Variants in GABRA2 observed in about 807,000 individuals in gnomAD.
GABRA2 encodes gamma-aminobutyric acid receptor subunit alpha-2.
GABRA2 carries 16 observed loss-of-function variants against 48.7 expected under a neutral mutation model. The ratio of observed to expected loss-of-function variants is 0.33; its 90% confidence interval spans 0.22 to 0.50. The LOEUF is 0.50. Ranked by LOEUF, GABRA2 falls within the 20% of genes least tolerant of loss-of-function variation. GABRA2 has a pLI of 0.98. For synonymous variants in GABRA2, 185 were observed against 184.5 expected, an observed-to-expected ratio of 1.00 and a Z score of -0.02; for missense variants, 275 against 535.6, an observed-to-expected ratio of 0.51 and a Z score of 4.80.
intron 2 of GABRA2, 35 bp downstream of exon 2, chr4:46,388,601 T>G (rs536102704): frequency 6.2e-7 from 1 of 1,610,992 alleles, no homozygotes; most frequent in East Asian, 2.2e-5. Flanking sequence ...ATCTTTGCCC[T>G]GAATTAAAAT....
At chr4:46,336,624 T>C (rs1732277947) in intron 3 of GABRA2, among the ~76,000 whole-genome samples, 1 of 152,188 alleles carries the variant, frequency 6.6e-6, no homozygotes, top group African/African-American at 2.4e-5. Context: ...ACAGGTACTT[T>C]AGGAGAAATA....
chr4:46,387,319 T>C (rs766192067), intron 2 of GABRA2, among the ~76,000 whole-genome samples: 1 of 152,232 alleles, frequency 6.6e-6, no homozygotes, highest in Non-Finnish European at 1.5e-5. Context: ...AATTACATTC[T>C]GATCAAGGTG....
In GABRA2 at chr4:46,303,174, C is replaced by T. The variant is rs1726044581; in HGVS notation, c.856+286G>A. ...AGCAAAAAAAAAAAAGAAAATTCAC[C>T]TTGTGTAAATATAGTACAGACAAAT... On this transcript the variant is annotated intron_variant, in intron 8 of 9. Coordinates refer to ENST00000381620, the MANE Select transcript of GABRA2 (RefSeq NM_000807.4). The T allele has an allele frequency of 2.7e-5, 8 of 298,314 alleles. No homozygotes were observed. The South Asian group carries it at 6.1e-4, about 23-fold the overall frequency. The allele number at this position is 298,314 out of a possible 1,614,324, so 18.5% of individuals were successfully genotyped here.
At chr4:46,277,824 A>C (rs1720788537) in intron 8 of GABRA2, among the ~76,000 whole-genome samples, 1 of 152,192 alleles carries the variant, frequency 6.6e-6, no homozygotes, top group Non-Finnish European at 1.5e-5. Flanking sequence ...ATTCAGTCCC[A>C]GTTGAAGGTT....
At chr4:46,325,951 C>T (rs1027983928) in intron 4 of GABRA2, among the ~76,000 whole-genome samples, 1 of 151,824 alleles carries the variant, frequency 6.6e-6, no homozygotes, top group African/African-American at 2.4e-5. Flanking sequence ...TGTACCAGTA[C>T]CATGTTGTTT....
intron 8 of GABRA2, among the ~76,000 whole-genome samples, chr4:46,266,017 G>T (rs906019030): frequency 6.6e-6 from 1 of 151,600 alleles, no homozygotes; most frequent in Non-Finnish European, 1.5e-5. Context: ...CTCTATTGTG[G>T]TGTAAGAACA....
chr4:46,325,103 T>C (rs1365111874), intron 4 of GABRA2, among the ~76,000 whole-genome samples: 1 of 151,892 alleles, frequency 6.6e-6, no homozygotes, highest in Admixed American at 6.6e-5. Flanking sequence ...GTATATAGTA[T>C]GTAGTAATAA....
At chr4:46,354,991 G>C (rs1735733645) in intron 3 of GABRA2, among the ~76,000 whole-genome samples, 1 of 151,990 alleles carries the variant, frequency 6.6e-6, no homozygotes. Context: ...TACATACTAA[G>C]TCACTTTATA....
intron 3 of GABRA2, among the ~76,000 whole-genome samples, chr4:46,349,074 G>A (rs1473247300): frequency 6.6e-6 from 1 of 151,910 alleles, no homozygotes; most frequent in African/African-American, 2.4e-5. Context: ...ATGATTGTTG[G>A]CATTTTTTAG....
rs569988761 is a variant in GABRA2, at chr4:46,330,708, A to G, written c.255+1907T>C. On this transcript the variant is annotated intron_variant, in intron 4 of 9. Transcript: ENST00000381620. Reference sequence around the variant, plus strand: ...ATTTACAACATGAAAAAACTACAATATTGAAAATGTACTGATATTTGGGAG... The same window carrying G: ...ATTTACAACATGAAAAAACTACAATGTTGAAAATGTACTGATATTTGGGAG... 3.3e-5 allele frequency among the ~76,000 whole-genome samples: 5 copies of G among 151,866 alleles called. No homozygotes were observed. The East Asian group carries it at 9.7e-4, about 30-fold the overall frequency.
At chr4:46,297,231 G>A (rs1324890871) in intron 8 of GABRA2, among the ~76,000 whole-genome samples, 1 of 151,836 alleles carries the variant, frequency 6.6e-6, no homozygotes, top group South Asian at 2.1e-4. Context: ...AATATGGGAA[G>A]AAACCATCTA....
chr4:46,326,539 A>T (rs1356742241), intron 4 of GABRA2, among the ~76,000 whole-genome samples: 2 of 151,258 alleles, frequency 1.3e-5, no homozygotes, highest in Non-Finnish European at 2.9e-5. Context: ...CCTAGCTCAG[A>T]AAATGGAACC....
chr4:46,377,100 A>G (rs1439146451), intron 3 of GABRA2, among the ~76,000 whole-genome samples: 3 of 151,966 alleles, frequency 2.0e-5, no homozygotes, highest in Admixed American at 2.0e-4. Flanking sequence ...TTCACCTCCC[A>G]GCAGCCTGCC....
intron 3 of GABRA2, chr4:46,369,016 A>G: frequency 1.4e-6 from 1 of 700,768 alleles, no homozygotes; most frequent in Non-Finnish European, 2.6e-6. Flanking sequence ...ACTGGGAAAG[A>G]AGAAAGCTAT....
At chr4:46,299,307 A>G (rs1725311143) in intron 8 of GABRA2, among the ~76,000 whole-genome samples, 1 of 151,770 alleles carries the variant, frequency 6.6e-6, no homozygotes, top group Admixed American at 6.6e-5. Flanking sequence ...TCTTTTTACT[A>G]TCCTCTTCAT....
At chr4:46,265,406 G>GTA (rs1305509934) in intron 8 of GABRA2, among the ~76,000 whole-genome samples, 2 of 135,364 alleles carry the variant, frequency 1.5e-5, no homozygotes, top group Admixed American at 7.3e-5. Flanking sequence ...AATATATTGT[G>GTA]TATATATATA....
chr4:46,378,343 T>C (rs1308926889), intron 3 of GABRA2, among the ~76,000 whole-genome samples: 1 of 152,064 alleles, frequency 6.6e-6, no homozygotes. Context: ...GGGATCCTGT[T>C]GATCTGTGAC....
At chr4:46,288,898 C>T (rs1723058947) in intron 8 of GABRA2, among the ~76,000 whole-genome samples, 1 of 147,346 alleles carries the variant, frequency 6.8e-6, no homozygotes, top group South Asian at 2.1e-4. Flanking sequence ...AGACAAAAAA[C>T]ATGAACAGAC....
chr4:46,365,335 G>T, intron 3 of GABRA2: 1 of 151,822 alleles, frequency 6.6e-6, no homozygotes, highest in East Asian at 1.9e-4. Flanking sequence ...CTACTTAAAG[G>T]GCATCCCACA....
Sources: gnomAD v4.1 joint callset for allele counts (sites outside exome capture counted in the v4.1 genomes callset) on GRCh38, gnomAD v4.1.1 for gene constraint, MANE v1.5 for transcripts, NCBI Gene and HGNC (gene_info 2026-07-23, HGNC 2026-07-21) for gene names.